ZC3H12B: variants seen among roughly 807,000 people sequenced by gnomAD.
The protein encoded by ZC3H12B is zinc finger CCCH-type containing 12B, also known as probable ribonuclease ZC3H12B.
In ZC3H12B, 7 loss-of-function variants were observed where a neutral mutation model predicts 43.9. That is an observed-to-expected ratio of 0.16 (90% confidence interval 0.09 to 0.30). The LOEUF is 0.30. Ranked by LOEUF, ZC3H12B falls within the 10% of genes least tolerant of loss-of-function variation. ZC3H12B has a pLI of 1.00. For synonymous variants in ZC3H12B, 222 were observed against 241.7 expected (o/e 0.92, Z 0.76); for missense variants, 475 against 670.2 (o/e 0.71, Z 3.22).
At chrX:65,084,549 A>G in the ZC3H12B span, among the ~76,000 whole-genome samples, 14 of 112,745 alleles carry the variant, frequency 1.2e-4, no homozygotes, top group Non-Finnish European at 2.2e-4. Context: ...AATAAAAACT[A>G]CAATGAGATA....
At chrX:65,223,083 ATACT>A in the ZC3H12B span, among the ~76,000 whole-genome samples, 5 of 112,048 alleles carry the variant, frequency 4.5e-5, no homozygotes, top group Non-Finnish European at 7.5e-5. Context: ...ATAAAGCCAA[ATACT>A]TACAGCCAAC....
the ZC3H12B span, among the ~76,000 whole-genome samples, chrX:65,209,510 G>C: frequency 2.0e-5 from 2 of 98,056 alleles, no homozygotes; most frequent in Non-Finnish European, 4.1e-5. Flanking sequence ...TCTTAATCCT[G>C]AGTTCTAGTT....
chrX:65,268,721 A>G, the ZC3H12B span, among the ~76,000 whole-genome samples: 25,244 of 111,429 alleles, frequency 0.23, 6,913 homozygotes, highest in African/African-American at 0.78. Flanking sequence ...GAAAACTTTT[A>G]ACAATTTAGG....
At chrX:65,229,771 A>G in the ZC3H12B span, among the ~76,000 whole-genome samples, 1 of 105,392 alleles carries the variant, frequency 9.5e-6, no homozygotes, top group Non-Finnish European at 2.0e-5. Context: ...GCAGCCAAAA[A>G]ACACATGAAA....
the ZC3H12B span, among the ~76,000 whole-genome samples, chrX:65,107,868 C>T: frequency 2.0e-3 from 223 of 111,182 alleles, 2 homozygotes; most frequent in African/African-American, 7.1e-3. Context: ...TTCTTTATAG[C>T]AGCATTAGAA....
At chrX:65,383,236 T>A (rs1602352032) in intron 2 of ZC3H12B, among the ~76,000 whole-genome samples, 1 of 112,102 alleles carries the variant, frequency 8.9e-6, no homozygotes, top group East Asian at 2.8e-4. Context: ...AACAGCATGG[T>A]ACTGGTACCA....
chrX:65,422,091 G>A (rs1467573895), intron 3 of ZC3H12B, among the ~76,000 whole-genome samples: 1 of 111,821 alleles, frequency 8.9e-6, no homozygotes, highest in Non-Finnish European at 1.9e-5. Flanking sequence ...TGTCAGCTAG[G>A]TGGGAATACT....
chrX:65,190,751 C>T, the ZC3H12B span, among the ~76,000 whole-genome samples: 4 of 107,517 alleles, frequency 3.7e-5, no homozygotes, highest in Non-Finnish European at 7.7e-5. Flanking sequence ...CAAACAGGGA[C>T]AATTTGACTT....
chrX:65,158,512 C>CT, the ZC3H12B span, among the ~76,000 whole-genome samples: 1 of 112,195 alleles, frequency 8.9e-6, no homozygotes, highest in African/African-American at 3.2e-5. Flanking sequence ...TTGCATTTCT[C>CT]TGATGGCCAG....
chrX:65,314,032 A>C, the ZC3H12B span, among the ~76,000 whole-genome samples: 3 of 111,918 alleles, frequency 2.7e-5, no homozygotes, highest in Non-Finnish European at 5.6e-5. Flanking sequence ...TTTTAGAAAA[A>C]CTACTGGATG....
intron 3 of ZC3H12B, among the ~76,000 whole-genome samples, chrX:65,452,183 G>A (rs1367981799): frequency 8.1e-5 from 9 of 111,268 alleles, no homozygotes; most frequent in East Asian, 2.8e-4. Flanking sequence ...CCTAGCCAGG[G>A]CAATCAGACC....
At chrX:65,471,980 C>T (rs2067921444) in intron 3 of ZC3H12B, among the ~76,000 whole-genome samples, 1 of 111,807 alleles carries the variant, frequency 8.9e-6, no homozygotes, top group Non-Finnish European at 1.9e-5. Context: ...TTTAGAACTC[C>T]TTTAGCATTT....
At chrX:65,035,603 G>A in the ZC3H12B span, among the ~76,000 whole-genome samples, 1 of 110,890 alleles carries the variant, frequency 9.0e-6, no homozygotes, top group Non-Finnish European at 1.9e-5. Flanking sequence ...CTTTCCCCTC[G>A]CTCTGGCTCT....
the ZC3H12B span, among the ~76,000 whole-genome samples, chrX:65,115,131 T>C: frequency 9.2e-6 from 1 of 108,341 alleles, no homozygotes; most frequent in East Asian, 2.9e-4. Flanking sequence ...TAGTGATTTC[T>C]GAGATTTTGG....
chrX:65,285,579 C>A, the ZC3H12B span, among the ~76,000 whole-genome samples: 2 of 111,036 alleles, frequency 1.8e-5, no homozygotes, highest in African/African-American at 6.5e-5. Context: ...ACAGTGCTGA[C>A]AAAAAAATAC....
chrX:65,372,718 A>C (rs1029159557), intron 2 of ZC3H12B, among the ~76,000 whole-genome samples: 4 of 112,071 alleles, frequency 3.6e-5, no homozygotes, highest in African/African-American at 1.3e-4. Context: ...AGAGGTAAGG[A>C]TTGTTATCCA....
the ZC3H12B span, among the ~76,000 whole-genome samples, chrX:65,158,841 C>G: frequency 6.3e-5 from 7 of 111,843 alleles, no homozygotes; most frequent in African/African-American, 1.6e-4. Context: ...ACATAAAGTC[C>G]TTGCCCATGC....
At chrX:65,158,423 C>T in the ZC3H12B span, among the ~76,000 whole-genome samples, 1 of 111,541 alleles carries the variant, frequency 9.0e-6, no homozygotes, top group Non-Finnish European at 1.9e-5. Flanking sequence ...TCCACATCCT[C>T]TCCAGCACCT....
At chrX:65,225,211 G>A in the ZC3H12B span, among the ~76,000 whole-genome samples, 4 of 112,028 alleles carry the variant, frequency 3.6e-5, no homozygotes, top group Admixed American at 9.4e-5. Flanking sequence ...CAGCATTCGC[G>A]GTTCACGAAA....
Sources: allele counts gnomAD v4.1 joint callset (sites outside exome capture counted in the v4.1 genomes callset), GRCh38; gene constraint gnomAD v4.1.1; transcripts MANE v1.5; gene names NCBI Gene and HGNC (gene_info 2026-07-23, HGNC 2026-07-21).